SLC12A5: variants seen among roughly 807,000 people sequenced by gnomAD.
SLC12A5 encodes K-Cl cotransporter 2.
SLC12A5 carries 18 observed loss-of-function variants against 124.0 expected under a neutral mutation model. The observed-to-expected ratio is 0.15, with a 90% CI of 0.10 to 0.22. SLC12A5 has a LOEUF of 0.22. SLC12A5 is among the 10% of genes least tolerant of loss of function. The pLI, the probability that SLC12A5 is intolerant of heterozygous loss-of-function variation, is 1.00. For missense variants in SLC12A5, 867 were observed against 1,478.7 expected (o/e 0.59, Z 6.78); for synonymous variants, 589 against 568.0 (o/e 1.04, Z -0.53).
chr20:46,038,858 C>T (rs150738197), intron 6 of SLC12A5, among the ~76,000 whole-genome samples: 24 of 152,270 alleles, frequency 1.6e-4, no homozygotes, highest in African/African-American at 2.4e-4. Flanking sequence ...ATTAGTGTCA[C>T]GGCAGGATGG....
At position 46,035,531 on chromosome 20, in the gene SLC12A5, T is replaced by C. The variant is rs1384828234; in HGVS notation, c.275T>C (p.Val92Ala). The change falls in exon 3 of 26, where the codon GTG becomes GCG. Residue 92 changes from valine (V) to alanine (A), a missense_variant. Transcript: ENST00000243964. ...ENNEGGKKKPVQAPRMGTFMG... is the reference protein window; with the variant it reads ...ENNEGGKKKPAQAPRMGTFMG... ...AATGAGGGTGGAAAAAAGAAGCCGG[T>C]GCAGGTGAGGACCTCGGGGGATGAG... 1.3e-6 allele frequency: 2 copies of C among 1,596,404 alleles called. No homozygotes were observed. The highest frequency in any genetic ancestry group is 1.7e-6 in the Non-Finnish European group (2 of 1,174,606).
At chr20:46,041,783 G>A (rs1379514346) in intron 8 of SLC12A5, among the ~76,000 whole-genome samples, 1 of 152,230 alleles carries the variant, frequency 6.6e-6, no homozygotes, top group Non-Finnish European at 1.5e-5. Context: ...CACCTACAGA[G>A]TGCCCAGCAT....
Position 46,057,101 on chromosome 20 carries a change from A to T in SLC12A5, c.3126-69A>T, listed in dbSNP as rs1464474199. 1 of 1,605,860 alleles carries T rather than the reference A, an allele frequency of 6.2e-7. No individual in the cohort carries two copies. The highest frequency in any genetic ancestry group is 1.3e-5 in the African/African-American group (1 of 74,702). ...CCCCAGCAGCCCAGTTCGGGCTGGA[A>T]GGGCGACTGGCTCCAATCTTCTCTA... On this transcript the variant is annotated intron_variant, in intron 24 of 25. Transcript: ENST00000243964. The surrounding 1 kb of genome is among the most constrained non-coding windows in gnomAD (Gnocchi z 7.1).
Position 46,040,355 on chromosome 20 carries a change from C to A in SLC12A5, c.613-18C>A, listed in dbSNP as rs965878928. ...GCTGCTGACTTAGGTATCTGTTCTT[C>A]CTGCCCCTTTCCCACAGGCTTACCT... On this transcript the variant is annotated intron_variant, in intron 6 of 25. Coordinates refer to ENST00000243964, the MANE Select transcript of SLC12A5 (RefSeq NM_020708.5). The A allele has an allele frequency of 1.2e-6, 2 of 1,612,758 alleles. No individual in the cohort carries two copies. The highest frequency in any genetic ancestry group is 1.7e-5 in the Admixed American group (1 of 60,004).
At position 46,057,634 on chromosome 20, in the gene SLC12A5, C is replaced by A. The variant is rs779634251; in HGVS notation, c.*29C>A. 5.7e-6 allele frequency: 9 copies of A among 1,574,488 alleles called. No individual in the cohort carries two copies. Among genetic ancestry groups the A allele is most frequent in the African/African-American group, 4.1e-5 (3 of 73,526 alleles). ...CCAGGACCTGCCACCCGGGCCCGAG[C>A]GCGCCCGGCCCGCGGCTCCGGAGCC... On this transcript the variant is annotated 3_prime_UTR_variant, in exon 26 of 26. Coordinates refer to ENST00000243964, the MANE Select transcript of SLC12A5 (RefSeq NM_020708.5). This position sits in a 1 kb window ranked among gnomAD's most constrained non-coding sequence, Gnocchi z 7.1.
At chr20:46,025,552 G>T (rs536141691), upstream of SLC12A5, among the ~76,000 whole-genome samples, 1 of 152,140 alleles carries the variant, frequency 6.6e-6, no homozygotes, top group Admixed American at 6.5e-5. Flanking sequence ...GGTGGGGATC[G>T]GGGGGTGAGT....
upstream of SLC12A5, among the ~76,000 whole-genome samples, chr20:46,026,592 G>A (rs1008563099): frequency 6.6e-6 from 1 of 152,254 alleles, no homozygotes; most frequent in Admixed American, 6.5e-5. Context: ...CTTGGTCGGG[G>A]CTCCTTAGGA....
Position 46,053,536 on chromosome 20 carries a change from C to T in SLC12A5, c.2548-42C>T. 2 of 1,610,280 alleles carry T rather than the reference C, an allele frequency of 1.2e-6. No individual in the cohort carries two copies. The highest frequency in any genetic ancestry group is 1.7e-6 in the Non-Finnish European group (2 of 1,178,760). ...GGCCTGGCCCTGGATCTCCTCATCA[C>T]ATCTGGGCTGGACCTTTCTGAATCC... On this transcript the variant is annotated intron_variant, in intron 19 of 25. Coordinates refer to ENST00000243964, the MANE Select transcript of SLC12A5 (RefSeq NM_020708.5). This position sits in a 1 kb window ranked among gnomAD's most constrained non-coding sequence, Gnocchi z 4.7.
chr20:46,035,411 T>C lies in SLC12A5; in HGVS notation c.155T>C (p.Met52Thr). ...GACACCCTCCCTCCATAGGAGGAGATGGACACCAGCCCTATGGTGTCCTCC... is the reference window on the plus strand; with the variant it reads ...GACACCCTCCCTCCATAGGAGGAGACGGACACCAGCCCTATGGTGTCCTCC... ...GKNMALFEEE[M>T]DTSPMVSSLL... Residue 52 changes from methionine (M) to threonine (T), a missense_variant, in exon 3 of 26, where the codon ATG becomes ACG. Met to Thr is a moderately conservative substitution (Grantham distance 81). This residue lies in a region of SLC12A5 where 126 missense variants were observed against 291.6 expected (regional missense o/e 0.43). Transcript: ENST00000243964. The C allele has an allele frequency of 6.2e-7, 1 of 1,612,600 alleles. No homozygotes were observed. Among genetic ancestry groups the C allele is most frequent in the Non-Finnish European group, 8.5e-7 (1 of 1,179,092 alleles).
chr20:46,022,015 G>A, intron 1 of SLC12A5: 2 of 1,115,740 alleles, frequency 1.8e-6, no homozygotes, highest in Non-Finnish European at 2.4e-6. Context: ...CTAGGCCTGA[G>A]AGGGGAATGG....
Position 46,045,022 on chromosome 20 carries a change from C to T in SLC12A5, c.1451C>T (p.Pro484Leu). ...LVVGTLAWPS[P>L]WVIVIGSFFS... ...GTGGGCACTCTGGCCTGGCCATCTC[C>T]ATGGGTAATTGTCATCGGATCCTTC... The change falls in exon 12 of 26, where the codon CCA (proline) becomes CTA (leucine). Residue 484 changes from proline to leucine, a missense_variant. Physicochemically the swap from Pro to Leu is moderately conservative, Grantham distance 98. Coordinates refer to ENST00000243964, the MANE Select transcript of SLC12A5 (RefSeq NM_020708.5). This position sits in a 1 kb window ranked among gnomAD's most constrained non-coding sequence, Gnocchi z 4.9. The T allele has an allele frequency of 1.2e-6, 2 of 1,614,236 alleles. No individual in the cohort carries two copies. The highest frequency in any genetic ancestry group is 1.7e-6 in the Non-Finnish European group (2 of 1,180,048).
chr20:46,044,638 C>T (rs1337581561), intron 11 of SLC12A5: 1 of 332,606 alleles, frequency 3.0e-6, no homozygotes, highest in Non-Finnish European at 5.6e-6. Flanking sequence ...CATGAGCACA[C>T]ACAACTGGCC....
intron 1 of SLC12A5, among the ~76,000 whole-genome samples, chr20:46,032,418 C>T (rs1381199916): frequency 6.6e-6 from 1 of 152,326 alleles, no homozygotes; most frequent in Admixed American, 6.5e-5. Context: ...GGAGACAGGA[C>T]CCCAAAATCT....
intron 1 of SLC12A5, among the ~76,000 whole-genome samples, chr20:46,032,938 T>C (rs2084466434): frequency 6.6e-6 from 1 of 152,176 alleles, no homozygotes; most frequent in South Asian, 2.1e-4. Context: ...GCACCTATTA[T>C]GTGCTGGGAG....
chr20:46,035,129 T>G, intron 2 of SLC12A5, 87 bp downstream of exon 2: 2 of 1,296,320 alleles, frequency 1.5e-6, no homozygotes, highest in Non-Finnish European at 2.2e-6. Context: ...TAGGGAGCAA[T>G]ACCCTCGTCT....
At chr20:46,036,852 G>T in intron 5 of SLC12A5, 57 bp downstream of exon 5, 7 of 1,601,088 alleles carry the variant, frequency 4.4e-6, no homozygotes, top group Non-Finnish European at 6.0e-6. Flanking sequence ...GAGGGATAGT[G>T]CCCTGGGCTT....
At chr20:46,047,673 A>G in intron 15 of SLC12A5, 100 bp downstream of exon 15, 8 of 1,464,216 alleles carry the variant, frequency 5.5e-6, no homozygotes, top group Non-Finnish European at 6.5e-6. Flanking sequence ...TGGGGGTGAG[A>G]TGAAGCAGGG....
chr20:46,021,708 T>C, upstream of SLC12A5: 1 of 1,523,628 alleles, frequency 6.6e-7, no homozygotes, highest in African/African-American at 1.4e-5. Flanking sequence ...TAGAGCCTGG[T>C]TGCAGCCACT....
rs1455055206 is a variant in SLC12A5 at position 46,057,340 on chromosome 20, G to A, written c.3259+37G>A. The A allele has an allele frequency of 1.9e-6, 3 of 1,613,184 alleles. No homozygotes were observed. The highest frequency in any genetic ancestry group is 1.3e-5 in the African/African-American group (1 of 75,048). On this transcript the variant is annotated intron_variant, in intron 25 of 25. Coordinates refer to ENST00000243964, the MANE Select transcript of SLC12A5 (RefSeq NM_020708.5). The surrounding 1 kb of genome is among the most constrained non-coding windows in gnomAD (Gnocchi z 7.1). ...TTAAAATTGGGGGAAAGAGGGAGGT[G>A]GACGTCAGGGAATCTGGGTCCTGTC... is the stretch of plus-strand genomic sequence containing the variant.
Sources: allele counts gnomAD v4.1 joint callset (sites outside exome capture counted in the v4.1 genomes callset), GRCh38; gene constraint gnomAD v4.1.1; regional missense constraint gnomAD v4.1.1; non-coding constraint Gnocchi (gnomAD v3.1); transcripts MANE v1.5; gene names NCBI Gene and HGNC (gene_info 2026-07-23, HGNC 2026-07-21).